TENM1: variants seen among roughly 807,000 people sequenced by gnomAD.
The protein encoded by TENM1 is teneurin transmembrane protein 1, also known as teneurin-1.
Under a neutral mutation model 174.8 loss-of-function variants are expected in TENM1, and 35 were observed. The ratio of observed to expected loss-of-function variants is 0.20; its 90% CI spans 0.15 to 0.27. TENM1 has a LOEUF of 0.27. TENM1 is among the 10% of genes least tolerant of loss of function. The pLI is 1.00. For missense variants in TENM1, 1,633 were observed against 2,130.1 expected (o/e 0.77, Z 4.59); for synonymous variants, 781 against 798.7 (o/e 0.98, Z 0.37).
the TENM1 span, among the ~76,000 whole-genome samples, chrX:125,163,795 A>G: frequency 8.9e-6 from 1 of 111,906 alleles, no homozygotes; most frequent in Non-Finnish European, 1.9e-5. Context: ...AATAAAATAT[A>G]CTATGTGTGT....
chrX:124,969,803 T>C, the TENM1 span, among the ~76,000 whole-genome samples: 2 of 111,771 alleles, frequency 1.8e-5, no homozygotes, highest in Non-Finnish European at 3.8e-5. Flanking sequence ...CTTAGGAAAA[T>C]CACCTCCCCT....
chrX:125,132,944 C>T, the TENM1 span, among the ~76,000 whole-genome samples: 1 of 109,467 alleles, frequency 9.1e-6, no homozygotes, highest in Non-Finnish European at 1.9e-5. Context: ...CTGATGAGTG[C>T]CTTTCCCTCC....
intron 11 of TENM1, among the ~76,000 whole-genome samples, chrX:124,615,682 CTCTT>C (rs2050381852): frequency 9.0e-6 from 1 of 111,718 alleles, no homozygotes; most frequent in Non-Finnish European, 1.9e-5. Context: ...CCTTTTTCCT[CTCTT>C]TCTGTCTTGG....
chrX:124,401,601 A>G (rs5910083), intron 27 of TENM1, among the ~76,000 whole-genome samples: 48,507 of 111,074 alleles, frequency 0.44, 7,633 homozygotes, highest in Admixed American at 0.47. Context: ...AATTGGCATC[A>G]GCTTGTCCCT....
At chrX:125,095,483 T>C in the TENM1 span, among the ~76,000 whole-genome samples, 2,576 of 111,972 alleles carry the variant, frequency 0.023, 76 homozygotes, top group African/African-American at 0.079. Flanking sequence ...CAGTTAGTTA[T>C]AGAAAAATTA....
intron 17 of TENM1, among the ~76,000 whole-genome samples, 189 bp downstream of exon 20, chrX:124,523,175 C>G (rs1469407643): frequency 8.9e-6 from 1 of 112,188 alleles, no homozygotes; most frequent in Non-Finnish European, 1.9e-5. Context: ...CCACAGACAG[C>G]ATTCTAATGC....
chrX:124,436,271 C>A (rs2060835048), intron 23 of TENM1, among the ~76,000 whole-genome samples: 1 of 111,013 alleles, frequency 9.0e-6, no homozygotes, highest in Admixed American at 9.6e-5. Flanking sequence ...AGCTAGATTT[C>A]TGATAGGTCC....
the TENM1 span, among the ~76,000 whole-genome samples, chrX:125,201,199 T>C: frequency 8.9e-6 from 1 of 112,243 alleles, no homozygotes; most frequent in Non-Finnish European, 1.9e-5. Flanking sequence ...AAAGGATCAA[T>C]GACTATGAGG....
rs752379696 is a variant in TENM1, at chrX:124,694,169, GA to G, written c.1015+10843del. Among the ~76,000 whole-genome samples the G allele has an allele frequency of 3.6e-3, 399 of 111,732 alleles. 2 individuals carry two copies. The highest frequency in any genetic ancestry group is 0.027 in the South Asian group (72 of 2,665). On this transcript the variant is annotated intron_variant, in intron 5 of 31. Coordinates refer to ENST00000422452, the Ensembl canonical transcript of TENM1. ...CCAAGGCTACCAACTTTACTTCTGT[GA>G]ACTTTAAAGTACATTCCTTTCCATT...
In TENM1 at chrX:124,693,098, T is replaced by C. The variant is rs750367317; in HGVS notation, c.1015+11915A>G. Among the ~76,000 whole-genome samples the C allele has an allele frequency of 2.1e-3, 230 of 109,981 alleles. 1 individual carries two copies. The highest frequency in any genetic ancestry group is 7.2e-3 in the African/African-American group (218 of 30,333). On this transcript the variant is annotated intron_variant, in intron 5 of 31. Coordinates refer to ENST00000422452, the Ensembl canonical transcript of TENM1. ...TTGTCTGTTGTCAAGATGTCTAATT[T>C]CAATCTGATTTTCTTTCTTTTACAA...
chrX:124,833,001 C>T (rs892283317), intron 3 of TENM1, among the ~76,000 whole-genome samples: 2 of 111,717 alleles, frequency 1.8e-5, no homozygotes, highest in African/African-American at 6.5e-5. Flanking sequence ...CATTAAGGCA[C>T]ATCTTTTTTT....
chrX:124,846,106 G>T (rs1025948967), intron 3 of TENM1, among the ~76,000 whole-genome samples: 1 of 109,808 alleles, frequency 9.1e-6, no homozygotes, highest in Non-Finnish European at 1.9e-5. Flanking sequence ...ATCATGCTAG[G>T]TATAAGCCTT....
intron 1 of TENM1, among the ~76,000 whole-genome samples, chrX:124,896,649 A>C (rs1268843759): frequency 2.7e-5 from 3 of 111,907 alleles, no homozygotes; most frequent in Admixed American, 1.9e-4. Flanking sequence ...TTGCTTTTCT[A>C]AGTATTCCAT....
chrX:124,548,040 G>A (rs1298715169), intron 14 of TENM1, among the ~76,000 whole-genome samples: 1 of 111,479 alleles, frequency 9.0e-6, no homozygotes, highest in Non-Finnish European at 1.9e-5. Context: ...GTTTCACCGT[G>A]TTAGCCAGGA....
At chrX:125,133,473 G>A in the TENM1 span, among the ~76,000 whole-genome samples, 1 of 111,170 alleles carries the variant, frequency 9.0e-6, no homozygotes, top group Admixed American at 9.6e-5. Flanking sequence ...GGTTACAAAC[G>A]ATACTCTCCG....
chrX:124,530,967 T>A (rs1375477400), intron 15 of TENM1, among the ~76,000 whole-genome samples: 1 of 110,801 alleles, frequency 9.0e-6, no homozygotes, highest in Non-Finnish European at 1.9e-5. Flanking sequence ...CAAGGATTTT[T>A]TTCACTGGTC....
At chrX:125,146,871 A>G in the TENM1 span, among the ~76,000 whole-genome samples, 1 of 111,221 alleles carries the variant, frequency 9.0e-6, no homozygotes, top group Non-Finnish European at 1.9e-5. Context: ...GAATATGACC[A>G]TAGTCCCTAA....
At chrX:124,605,433 A>AG (rs1370535208) in intron 11 of TENM1, among the ~76,000 whole-genome samples, 1 of 109,227 alleles carries the variant, frequency 9.2e-6, no homozygotes, top group Non-Finnish European at 1.9e-5. Flanking sequence ...TATGGAGTCA[A>AG]GGGGGCAAGA....
At chrX:125,031,386 T>C in the TENM1 span, among the ~76,000 whole-genome samples, 1 of 112,135 alleles carries the variant, frequency 8.9e-6, no homozygotes, top group East Asian at 2.8e-4. Context: ...TTATCTTAAG[T>C]AAATGGCAAT....
Sources: gnomAD v4.1 joint callset for allele counts (sites outside exome capture counted in the v4.1 genomes callset) on GRCh38, gnomAD v4.1.1 for gene constraint, MANE v1.5 for transcripts, NCBI Gene and HGNC (gene_info 2026-07-23, HGNC 2026-07-21) for gene names.